Variants in SH3D19 observed in about 807,000 individuals in gnomAD.
The protein encoded by SH3D19 is SH3 domain containing 19, also known as SH3 domain-containing protein 19.
SH3D19 carries 58 observed loss-of-function variants against 112.1 expected under a neutral mutation model. That is an observed-to-expected ratio of 0.52 (90% CI 0.42 to 0.64). The LOEUF is 0.64. Ranked by LOEUF, SH3D19 falls within the 30% of genes least tolerant of loss-of-function variation. The pLI is 0.00. For synonymous variants in SH3D19, 391 were observed against 448.5 expected, an observed-to-expected ratio of 0.87 and a Z score of 1.62; for missense variants, 1,090 against 1,263.4, an observed-to-expected ratio of 0.86 and a Z score of 2.08.
intron 1 of SH3D19, among the ~76,000 whole-genome samples, chr4:151,278,684 G>A (rs6811059): frequency 0.032 from 4,857 of 151,970 alleles, 266 homozygotes; most frequent in African/African-American, 0.11. Context: ...AGGCTGGAGT[G>A]CAGTGGCATG....
At chr4:151,198,480 T>G (rs1763908647) in intron 2 of SH3D19, among the ~76,000 whole-genome samples, 1 of 147,194 alleles carries the variant, frequency 6.8e-6, no homozygotes, top group South Asian at 2.1e-4. Flanking sequence ...TAAAAATATA[T>G]ACGTATCTTT....
chr4:151,222,874 C>T (rs1768322580), intron 2 of SH3D19, among the ~76,000 whole-genome samples: 1 of 151,850 alleles, frequency 6.6e-6, no homozygotes, highest in Admixed American at 6.6e-5. Flanking sequence ...ATCATTTTGG[C>T]CAGTCTGGCC....
intron 1 of SH3D19, among the ~76,000 whole-genome samples, chr4:151,271,220 G>C (rs184204840): frequency 6.6e-6 from 1 of 152,162 alleles, no homozygotes; most frequent in African/African-American, 2.4e-5. Flanking sequence ...GCCACTATGC[G>C]TGGCCTCAGA....
chr4:151,314,382 C>G (rs1456055572), intron 1 of SH3D19, among the ~76,000 whole-genome samples: 1 of 152,228 alleles, frequency 6.6e-6, no homozygotes, highest in Non-Finnish European at 1.5e-5. Context: ...ACACATCACA[C>G]ATGAACACTT....
intron 1 of SH3D19, among the ~76,000 whole-genome samples, chr4:151,253,043 T>A (rs923018990): frequency 1.3e-5 from 2 of 152,212 alleles, no homozygotes; most frequent in Admixed American, 6.5e-5. Flanking sequence ...TCCCTGACCA[T>A]TATCAATCTA....
chr4:151,283,441 CTG>C (rs910998783), intron 1 of SH3D19, among the ~76,000 whole-genome samples: 17 of 151,162 alleles, frequency 1.1e-4, no homozygotes, highest in African/African-American at 3.9e-4. Flanking sequence ...TAACTTCTAT[CTG>C]TGAAATCAGT....
intron 3 of SH3D19, among the ~76,000 whole-genome samples, chr4:151,185,053 T>G (rs1317230089): frequency 8.0e-5 from 12 of 149,724 alleles, no homozygotes; most frequent in South Asian, 2.1e-4. Context: ...TTTTTTTTTT[T>G]TTTTTTTTTT....
At chr4:151,303,876 T>C (rs968771896) in intron 1 of SH3D19, among the ~76,000 whole-genome samples, 2 of 152,106 alleles carry the variant, frequency 1.3e-5, no homozygotes, top group Non-Finnish European at 2.9e-5. Context: ...ACCTTGATAA[T>C]GCTACTGTAG....
chr4:151,214,699 A>T (rs1405007129), intron 2 of SH3D19, among the ~76,000 whole-genome samples: 8 of 75,408 alleles, frequency 1.1e-4, no homozygotes, highest in Non-Finnish European at 1.7e-4. Flanking sequence ...CTCACTTCCC[A>T]GTAGGGGCGG....
Position 151,159,342 on chromosome 4 carries a change from C to G in SH3D19, c.1653G>C (p.Glu551Asp). 1 of 1,570,534 alleles carries G rather than the reference C, an allele frequency of 6.4e-7. No individual in the cohort carries two copies. Reference sequence around the variant, plus strand: ...GGAGAGGAGGTGGACTTTGTGGATCCTCATGTAAACCTGGAAAAAGTAGCA... The same window carrying G: ...GGAGAGGAGGTGGACTTTGTGGATCGTCATGTAAACCTGGAAAAAGTAGCA... ...IPAKPGKCLH[E>D]DPQSPPPLPA... Residue 551 changes from glutamate (E) to aspartate (D), a missense_variant, in exon 9 of 20, where the codon GAG (glutamate) becomes GAC (aspartate). Glu to Asp is a conservative substitution (Grantham distance 45). Coordinates refer to ENST00000604030, the MANE Select transcript of SH3D19 (RefSeq NM_001378122.1).
intron 1 of SH3D19, among the ~76,000 whole-genome samples, chr4:151,272,764 T>TTTTTTTTTTC (rs1554065160): frequency 3.5e-4 from 49 of 138,044 alleles, no homozygotes; most frequent in African/African-American, 5.1e-4. Context: ...TTCACTTTTC[T>TTTTTTTTTTC]TTTTTTTTTT....
At chr4:151,205,629 CT>C (rs2149894923) in intron 2 of SH3D19, among the ~76,000 whole-genome samples, 1 of 152,306 alleles carries the variant, frequency 6.6e-6, no homozygotes, top group East Asian at 1.9e-4. Context: ...ACTTAAAACA[CT>C]CCAAGATTCC....
chr4:151,245,490 C>A (rs566606605), intron 1 of SH3D19, among the ~76,000 whole-genome samples: 8 of 152,324 alleles, frequency 5.3e-5, no homozygotes, highest in African/African-American at 1.7e-4. Flanking sequence ...AGATATTCCT[C>A]ATACCTGTTC....
chr4:151,277,858 T>C (rs1366367280), intron 1 of SH3D19, among the ~76,000 whole-genome samples: 1 of 152,102 alleles, frequency 6.6e-6, no homozygotes, highest in Admixed American at 6.6e-5. Flanking sequence ...CTGGGCAACA[T>C]GGTGAAACCC....
At chr4:151,276,304 G>C (rs553950771) in intron 1 of SH3D19, among the ~76,000 whole-genome samples, 1 of 152,178 alleles carries the variant, frequency 6.6e-6, no homozygotes, top group Non-Finnish European at 1.5e-5. Context: ...AGATTTCTGA[G>C]GTAGATGTTG....
chr4:151,224,112 A>T lies in SH3D19; in HGVS notation c.152+1935T>A, dbSNP rs181447669. 4.3e-3 allele frequency among the ~76,000 whole-genome samples: 658 copies of T among 152,240 alleles called. 5 individuals are homozygous for T. The highest frequency in any genetic ancestry group is 4.9e-3 in the Non-Finnish European group (332 of 68,018). ...ATCACGAGGTCAAGAGATCGAGACCACCCTGGCTAACATGGTGAAACCCCG... is the reference window on the plus strand; with the variant it reads ...ATCACGAGGTCAAGAGATCGAGACCTCCCTGGCTAACATGGTGAAACCCCG... On this transcript the variant is annotated intron_variant, in intron 2 of 19. Transcript: ENST00000604030.
intron 1 of SH3D19, among the ~76,000 whole-genome samples, chr4:151,280,284 T>C (rs1774089313): frequency 6.6e-6 from 1 of 152,174 alleles, no homozygotes; most frequent in African/African-American, 2.4e-5. Context: ...AAGCAACTTG[T>C]CATGTGGTGA....
At chr4:151,321,532 A>T (rs1730534107) in intron 1 of SH3D19, among the ~76,000 whole-genome samples, 1 of 152,174 alleles carries the variant, frequency 6.6e-6, no homozygotes, top group Non-Finnish European at 1.5e-5. Context: ...GCTACCGAGA[A>T]AACCCACAAT....
At chr4:151,187,550 A>C (rs1397931174) in intron 2 of SH3D19, 87 bp from the exon 3 acceptor site, 1 of 719,432 alleles carries the variant, frequency 1.4e-6, no homozygotes, top group East Asian at 3.4e-5. Context: ...CTGGGATTCA[A>C]TATGGTGCTA....
Sources: allele counts gnomAD v4.1 joint callset (sites outside exome capture counted in the v4.1 genomes callset), GRCh38; gene constraint gnomAD v4.1.1; transcripts MANE v1.5; gene names NCBI Gene and HGNC (gene_info 2026-07-23, HGNC 2026-07-21).